Variants in PTPRE observed in about 807,000 individuals in gnomAD.
PTPRE encodes receptor-type tyrosine-protein phosphatase epsilon.
PTPRE carries 51 observed loss-of-function variants against 102.0 expected under a neutral mutation model. That is an observed-to-expected ratio of 0.50 (90% CI 0.40 to 0.63). PTPRE has a LOEUF of 0.63. PTPRE is among the 30% of genes least tolerant of loss of function. PTPRE has a pLI of 0.00. For synonymous variants in PTPRE, 345 were observed against 348.2 expected (o/e 0.99, Z 0.10); for missense variants, 752 against 915.1 (o/e 0.82, Z 2.30).
At chr10:128,034,959 A>G (rs1051209563) in intron 2 of PTPRE, among the ~76,000 whole-genome samples, 5 of 152,176 alleles carry the variant, frequency 3.3e-5, no homozygotes, top group African/African-American at 1.2e-4. Context: ...AATCAATACA[A>G]AAAGGTTTTT....
At position 128,058,948 on chromosome 10, in the gene PTPRE, G is replaced by T. The variant is rs189703222; in HGVS notation, c.512-1991G>T. On this transcript the variant is annotated intron_variant, in intron 7 of 20. Coordinates refer to ENST00000254667, the MANE Select transcript of PTPRE (RefSeq NM_006504.6). ...TCAAGGTGCTTTGCATGTCAGGCAG[G>T]CTTGACTTTTGCCTGTAGAAAGACT... Among the ~76,000 whole-genome samples, 13 of 152,322 alleles carry T rather than the reference G, an allele frequency of 8.5e-5. No individual in the cohort carries two copies. The East Asian group carries it at 2.3e-3, about 27-fold the overall frequency.
chr10:128,054,106 C>T (rs1848763777), intron 6 of PTPRE, among the ~76,000 whole-genome samples: 1 of 152,132 alleles, frequency 6.6e-6, no homozygotes, highest in Non-Finnish European at 1.5e-5. Flanking sequence ...TTTAGCTATA[C>T]AGAATAATTG....
chr10:127,966,906 G>C (rs1850297758), intron 1 of PTPRE, among the ~76,000 whole-genome samples: 1 of 152,158 alleles, frequency 6.6e-6, no homozygotes, highest in Non-Finnish European at 1.5e-5. Context: ...ATAAAATTGA[G>C]ATTCTTAATT....
At chr10:128,041,569 A>T (rs1347847285) in intron 3 of PTPRE, among the ~76,000 whole-genome samples, 2 of 143,224 alleles carry the variant, frequency 1.4e-5, no homozygotes, top group Non-Finnish European at 3.0e-5. Flanking sequence ...AATCACTTCA[A>T]CCTGGGAGGC....
intron 6 of PTPRE, among the ~76,000 whole-genome samples, chr10:128,049,989 C>T (rs1471440081): frequency 6.6e-6 from 1 of 152,116 alleles, no homozygotes; most frequent in Non-Finnish European, 1.5e-5. Flanking sequence ...GACCTGAGCG[C>T]GGCACGGTAT....
rs1848201392 is a variant in PTPRE at position 128,047,612 on chromosome 10, G to A, written c.209+123G>A. 5 of 1,613,840 alleles carry A rather than the reference G, an allele frequency of 3.1e-6. No homozygotes were observed. The South Asian group carries it at 5.5e-5, about 18-fold the overall frequency. On this transcript the variant is annotated intron_variant, in intron 4 of 20. Transcript: ENST00000254667. ...TGAGAGGCTGGGTGGCTGGGCCTGG[G>A]AGACACACAGAGGCCAGGCCTTAGC...
At chr10:128,017,684 C>T (rs1472582631) in intron 2 of PTPRE, among the ~76,000 whole-genome samples, 3 of 152,164 alleles carry the variant, frequency 2.0e-5, no homozygotes, top group South Asian at 2.1e-4. Flanking sequence ...GGACAGATTT[C>T]CGGTGACCAG....
intron 1 of PTPRE, among the ~76,000 whole-genome samples, chr10:127,940,665 GT>G (rs1489346918): frequency 6.6e-6 from 1 of 152,216 alleles, no homozygotes; most frequent in Non-Finnish European, 1.5e-5. Flanking sequence ...ACAGAGTAAA[GT>G]TCTAGGCCTA....
rs906665347 is a variant in PTPRE, at chr10:128,066,061, A to C, written c.724-14A>C. On this transcript the variant is annotated splice_polypyrimidine_tract_variant and intron_variant, in intron 10 of 20. Transcript: ENST00000254667. ...CCACAGATCTATTTGCTTCTATTAA[A>C]TTGTTCCGTGCAGGAAAAGTGCCAT... 27 of 1,614,172 alleles carry C rather than the reference A, an allele frequency of 1.7e-5. No homozygotes were observed. The highest frequency in any genetic ancestry group is 1.9e-5 in the Non-Finnish European group (22 of 1,180,024).
intron 2 of PTPRE, among the ~76,000 whole-genome samples, chr10:128,017,307 T>C (rs61873751): frequency 0.059 from 8,930 of 152,044 alleles, 394 homozygotes; most frequent in Middle Eastern, 0.12. Flanking sequence ...CTGAGAGCTA[T>C]AGAAATTGGA....
At chr10:128,047,863 G>T in intron 5 of PTPRE, 26 bp downstream of exon 5, 1 of 1,548,352 alleles carries the variant, frequency 6.5e-7, no homozygotes, top group Non-Finnish European at 8.7e-7. Flanking sequence ...TCTGGCTGGG[G>T]CTTGGGGGAA....
At chr10:128,025,896 G>A (rs1846256522) in intron 2 of PTPRE, among the ~76,000 whole-genome samples, 1 of 152,220 alleles carries the variant, frequency 6.6e-6, no homozygotes, top group Admixed American at 6.5e-5. Flanking sequence ...TGTATAGGGT[G>A]CAGGGGGCAT....
At chr10:127,927,276 C>T (rs1476532005) in intron 1 of PTPRE, among the ~76,000 whole-genome samples, 1 of 152,166 alleles carries the variant, frequency 6.6e-6, no homozygotes, top group Non-Finnish European at 1.5e-5. Context: ...AACTCGGCTA[C>T]TTTTTCCTCC....
chr10:128,003,398 A>G (rs535848984), intron 2 of PTPRE, among the ~76,000 whole-genome samples: 49 of 152,352 alleles, frequency 3.2e-4, no homozygotes, highest in South Asian at 1.4e-3. Flanking sequence ...ATGTTTTCCA[A>G]TACATTAAAA....
chr10:128,082,195 C>CTCTCTTTTTTTTT lies in PTPRE; in HGVS notation c.2029-636_2029-635insCTCTTTTTTTTTT, dbSNP rs1554951767. Among the ~76,000 whole-genome samples, 29 of 89,036 alleles carry CTCTCTTTTTTTTT rather than the reference C, an allele frequency of 3.3e-4. 2 individuals are homozygous for CTCTCTTTTTTTTT. Among genetic ancestry groups the CTCTCTTTTTTTTT allele is most frequent in the African/African-American group, 8.7e-4 (19 of 21,962 alleles). The allele number at this position is 89,036 out of a possible 152,430, so 58.4% of individuals were successfully genotyped here. Reference sequence around the variant, plus strand: ...TTAGTACTCTGATTTTTTTCTCTTTCTTTTTTTTTTTTTTTTTTTTTTTTT... The same window carrying CTCTCTTTTTTTTT: ...TTAGTACTCTGATTTTTTTCTCTTTCTCTCTTTTTTTTTTTTTTTTTTTTTTTTTTTTTTTTTT... On this transcript the variant is annotated intron_variant, in intron 20 of 20. Coordinates refer to ENST00000254667, the MANE Select transcript of PTPRE (RefSeq NM_006504.6).
At chr10:127,995,848 C>T (rs530614461) in intron 2 of PTPRE, among the ~76,000 whole-genome samples, 3 of 149,188 alleles carry the variant, frequency 2.0e-5, no homozygotes, top group South Asian at 2.1e-4. Flanking sequence ...CACACACACA[C>T]ACACACACGC....
intron 3 of PTPRE, among the ~76,000 whole-genome samples, chr10:128,046,507 T>G (rs1848103005): frequency 6.6e-6 from 1 of 152,212 alleles, no homozygotes; most frequent in African/African-American, 2.4e-5. Flanking sequence ...GTTTGCGCTT[T>G]GAGGCATCCA....
At chr10:127,965,571 G>A (rs1437490662) in intron 1 of PTPRE, among the ~76,000 whole-genome samples, 1 of 152,106 alleles carries the variant, frequency 6.6e-6, no homozygotes, top group Admixed American at 6.5e-5. Flanking sequence ...CTTTTGCAGT[G>A]GATATTAAAA....
Position 127,907,440 on chromosome 10 carries a change from G to A in PTPRE, c.-31+131G>A. On this transcript the variant is annotated intron_variant, in intron 1 of 20. Coordinates refer to ENST00000254667, the MANE Select transcript of PTPRE (RefSeq NM_006504.6). This position sits in a 1 kb window ranked among gnomAD's most constrained non-coding sequence, Gnocchi z 4.8. ...GGGGCCGCTCCGGGGCTCAGAGTCC[G>A]GACCCCGGCCCCGCCGCCCCCGCGG... The A allele has an allele frequency of 3.0e-6, 2 of 676,026 alleles. No individual in the cohort carries two copies. Among genetic ancestry groups the A allele is most frequent in the Non-Finnish European group, 1.8e-6 (1 of 548,298 alleles). 41.9% of individuals were successfully genotyped at this position (676,026 alleles called of 1,614,324 possible).
Sources: allele counts gnomAD v4.1 joint callset (sites outside exome capture counted in the v4.1 genomes callset), GRCh38; gene constraint gnomAD v4.1.1; non-coding constraint Gnocchi (gnomAD v3.1); transcripts MANE v1.5; gene names NCBI Gene and HGNC (gene_info 2026-07-23, HGNC 2026-07-21).